ABCC6: variants seen among roughly 807,000 people sequenced by gnomAD.
ABCC6 encodes the protein ATP binding cassette subfamily C member 6.
Under a neutral mutation model 169.5 loss-of-function variants are expected in ABCC6, and 126 were observed. The observed-to-expected ratio is 0.74, with a 90% confidence interval of 0.64 to 0.86. The LOEUF (loss-of-function observed/expected upper bound fraction) is 0.86, where lower values mean the gene tolerates loss of function less well. Ranked by LOEUF, ABCC6 falls within the 40% of genes least tolerant of loss-of-function variation. The probability of loss-of-function intolerance (pLI) is 0.00; values close to 1 mark genes in which losing one functional copy is unlikely to be tolerated. For missense variants in ABCC6, 1,733 were observed against 1,927.2 expected (o/e 0.90, Z 1.89); for synonymous variants, 752 against 814.7 (o/e 0.92, Z 1.31).
chr16:16,175,147 C>T (rs905302258), intron 20 of ABCC6, among the ~76,000 whole-genome samples: 4 of 152,016 alleles, frequency 2.6e-5, no homozygotes, highest in South Asian at 2.1e-4. Flanking sequence ...GATTCTTGTG[C>T]GCTGTGAAGG....
Position 16,163,068 on chromosome 16 carries a change from G to A in ABCC6, c.3431C>T (p.Ala1144Val), listed in dbSNP as rs145553069. The change falls in exon 24 of 31, where the codon GCC becomes GTC. Residue 1144 changes from alanine to valine, a missense_variant. By Grantham distance (64) the Ala-to-Val change is moderately conservative (BLOSUM62 0). This residue lies in a region of ABCC6 where 1,601 missense variants were observed against 1,635.5 expected (regional missense o/e 0.98). Coordinates refer to ENST00000205557, the MANE Select transcript of ABCC6 (RefSeq NM_001171.6). ...STVVRAFRTQ[A>V]PFVAQNNARV... ...AGCATTGTTCTGAGCCACAAAGGGG[G>A]CCTGGGTTCGGAATGCCCGGACCAC... 163 of 1,613,866 alleles carry A rather than the reference G, an allele frequency of 1.0e-4. No individual in the cohort carries two copies. The highest frequency in any genetic ancestry group is 1.3e-4 in the Non-Finnish European group (149 of 1,180,034).
At chr16:16,178,727 G>A (rs2047370380) in intron 18 of ABCC6, 71 bp downstream of exon 18, 1 of 1,571,150 alleles carries the variant, frequency 6.4e-7, no homozygotes. Flanking sequence ...GATAAACTTG[G>A]GTTAGGACTG....
intron 1 of ABCC6, among the ~76,000 whole-genome samples, chr16:16,222,550 T>A (rs2049109222): frequency 1.4e-5 from 2 of 142,972 alleles, no homozygotes; most frequent in Admixed American, 1.4e-4. Flanking sequence ...GCCTGGCTAA[T>A]TTTTTTTTTT....
chr16:16,173,302 G>C lies in ABCC6; in HGVS notation c.2769C>G (p.Asp923Glu), dbSNP rs760231794. Residue 923 changes from aspartate (D) to glutamate (E), a missense_variant, in exon 21 of 31, where the codon GAC (aspartate) becomes GAG (glutamate). By Grantham distance (45) the Asp-to-Glu change is conservative. This residue lies in a region of ABCC6 where 1,601 missense variants were observed against 1,635.5 expected (regional missense o/e 0.98). Transcript: ENST00000205557. The stretch of plus-strand genomic sequence containing the variant: ...TGGTTACCCTGCCGTATTGGATGCT[G>C]TCCTTTCCTGCTGGCCATCCTGCCC... The part of the protein sequence containing the change: ...PDRAGWPAGK[D>E]SIQYGRVKAT... 15 of 1,613,910 alleles carry C rather than the reference G, an allele frequency of 9.3e-6. No individual in the cohort carries two copies. The highest frequency in any genetic ancestry group is 1.6e-4 in the Middle Eastern group (1 of 6,072).
intron 7 of ABCC6, among the ~76,000 whole-genome samples, chr16:16,208,294 G>T (rs1255739665): frequency 6.6e-6 from 1 of 152,178 alleles, no homozygotes; most frequent in African/African-American, 2.4e-5. Flanking sequence ...AGGCGGCAGT[G>T]CCGCCAGAGT....
At position 16,169,729 on chromosome 16, in the gene ABCC6, C is replaced by A; in HGVS notation, c.2912G>T (p.Trp971Leu). The change falls in exon 22 of 31, where the codon TGG becomes TTG. Residue 971 changes from tryptophan to leucine, a missense_variant. By Grantham distance (61) the Trp-to-Leu change is moderately conservative (BLOSUM62 -2). This residue lies in a region of ABCC6 where 1,601 missense variants were observed against 1,635.5 expected (regional missense o/e 0.98). Coordinates refer to ENST00000205557, the MANE Select transcript of ABCC6 (RefSeq NM_001171.6). ...CCCACCTACTGCAGGGTCGTCCGCC[C>A]ACAGGCTCAGCCAGTAGCCCCGGCA... ...SFCRGYWLSL[W>L]ADDPAVGGQQ... is the part of the protein sequence containing the mutation. 7 of 1,609,776 alleles carry A rather than the reference C, an allele frequency of 4.3e-6. No homozygotes were observed. Among genetic ancestry groups the A allele is most frequent in the Non-Finnish European group, 5.9e-6 (7 of 1,178,736 alleles).
intron 29 of ABCC6, among the ~76,000 whole-genome samples, chr16:16,152,800 G>A (rs1424393165): frequency 6.6e-6 from 1 of 152,088 alleles, no homozygotes; most frequent in East Asian, 1.9e-4. Flanking sequence ...TACCCACCAA[G>A]CAACGCTGCC....
At chr16:16,171,592 G>A (rs79291009) in intron 21 of ABCC6, among the ~76,000 whole-genome samples, 1 of 152,160 alleles carries the variant, frequency 6.6e-6, no homozygotes, top group African/African-American at 2.4e-5. Flanking sequence ...GTGTGTGAAT[G>A]AGTGGATGAA....
chr16:16,157,154 C>T (rs980904171), intron 27 of ABCC6, among the ~76,000 whole-genome samples: 10 of 151,840 alleles, frequency 6.6e-5, no homozygotes, highest in South Asian at 2.1e-4. Context: ...AGAGTGAAAA[C>T]GCAAATAATA....
At chr16:16,190,115 C>T (rs369128381) in intron 12 of ABCC6, 49 bp downstream of exon 12, 79 of 1,602,882 alleles carry the variant, frequency 4.9e-5, no homozygotes, top group Non-Finnish European at 6.3e-5. Flanking sequence ...CCCCCACCCC[C>T]GCACTCCTTC....
At chr16:16,176,009 T>A (rs1454623165) in intron 19 of ABCC6, 23 bp from the exon 20 acceptor site, 2 of 1,611,902 alleles carry the variant, frequency 1.2e-6, no homozygotes, top group Non-Finnish European at 1.7e-6. Context: ...GAGAGTCCTG[T>A]CACGCAACAC....
chr16:16,151,646 C>A (rs1457133492), intron 29 of ABCC6, among the ~76,000 whole-genome samples: 4 of 152,178 alleles, frequency 2.6e-5, no homozygotes, highest in African/African-American at 9.7e-5. Context: ...AGTTCTATTT[C>A]TAGTTTCCAC....
chr16:16,172,132 A>G (rs72640408), intron 21 of ABCC6, among the ~76,000 whole-genome samples: 73,265 of 77,646 alleles, frequency 0.94, 34,558 homozygotes, highest in Middle Eastern at 0.98. Context: ...AAATGAATGG[A>G]TGGGATGCAT....
chr16:16,213,077 G>C (rs1033366238), intron 5 of ABCC6, among the ~76,000 whole-genome samples: 2 of 149,450 alleles, frequency 1.3e-5, no homozygotes, highest in African/African-American at 4.9e-5. Flanking sequence ...TCAAGCCTTC[G>C]AGCAATTTTT....
chr16:16,179,120 C>T (rs907601832), intron 17 of ABCC6, among the ~76,000 whole-genome samples, 155 bp from the exon 18 acceptor site: 4 of 152,180 alleles, frequency 2.6e-5, no homozygotes, highest in Non-Finnish European at 4.4e-5. Context: ...CCAAGGCACT[C>T]GCTCTCAAGC....
chr16:16,153,150 C>G (rs2046438149), intron 29 of ABCC6, among the ~76,000 whole-genome samples: 1 of 152,120 alleles, frequency 6.6e-6, no homozygotes, highest in African/African-American at 2.4e-5. Context: ...GGTGATCCAC[C>G]CGCCTCGGCC....
At chr16:16,184,741 C>T (rs549458395) in intron 15 of ABCC6, among the ~76,000 whole-genome samples, 19 of 152,164 alleles carry the variant, frequency 1.2e-4, no homozygotes, top group African/African-American at 2.6e-4. Flanking sequence ...CCCTGGTCCC[C>T]GTCTGCAGGA....
intron 21 of ABCC6, among the ~76,000 whole-genome samples, chr16:16,170,331 C>T (rs983301235): frequency 7.9e-5 from 12 of 152,102 alleles, no homozygotes; most frequent in African/African-American, 2.7e-4. Flanking sequence ...GACTCCTGGC[C>T]TCAAGTGATC....
chr16:16,189,101 C>A, intron 12 of ABCC6, 127 bp from the exon 13 acceptor site: 9 of 1,087,078 alleles, frequency 8.3e-6, no homozygotes, highest in Non-Finnish European at 1.2e-5. Flanking sequence ...TGCTTCCCTC[C>A]GTAGATCCCA....
Sources: allele counts gnomAD v4.1 joint callset (sites outside exome capture counted in the v4.1 genomes callset), GRCh38; gene constraint gnomAD v4.1.1; regional missense constraint gnomAD v4.1.1; transcripts MANE v1.5; gene names NCBI Gene and HGNC (gene_info 2026-07-23, HGNC 2026-07-21).